The following DCLK1 variants were observed in gnomAD, a reference collection of about 807,000 sequenced individuals.
The protein encoded by DCLK1 is doublecortin like kinase 1.
DCLK1 carries 16 observed loss-of-function variants against 86.2 expected under a neutral mutation model. The ratio of observed to expected loss-of-function variants is 0.19; its 90% CI spans 0.13 to 0.28. DCLK1 has a LOEUF of 0.28. Ranked by LOEUF, DCLK1 falls within the 10% of genes least tolerant of loss-of-function variation. The probability of loss-of-function intolerance (pLI) is 1.00; values close to 1 mark genes in which losing one functional copy is unlikely to be tolerated. For missense variants in DCLK1, 590 were observed against 940.2 expected, an observed-to-expected ratio of 0.63 and a Z score of 4.87; for synonymous variants, 369 against 370.5, an observed-to-expected ratio of 1.00 and a Z score of 0.05.
chr13:36,073,016 C>T (rs7334245), intron 3 of DCLK1, among the ~76,000 whole-genome samples: 65,411 of 152,062 alleles, frequency 0.43, 14,070 homozygotes, highest in East Asian at 0.52. Flanking sequence ...TTATCCAGAA[C>T]AGCCTACGAG....
intron 3 of DCLK1, among the ~76,000 whole-genome samples, chr13:36,088,135 T>C (rs61587229): frequency 0.041 from 6,294 of 152,314 alleles, 142 homozygotes; most frequent in African/African-American, 0.07. Flanking sequence ...CTAGTGGTTA[T>C]GCAAAGGTTA....
At position 36,073,316 on chromosome 13, in the gene DCLK1, T is replaced by TA. The variant is rs536101213; in HGVS notation, c.723+38552dup. 1.3e-3 allele frequency among the ~76,000 whole-genome samples: 199 copies of TA among 152,256 alleles called. No homozygotes were observed. The Middle Eastern group carries it at 0.024, about 18-fold the overall frequency. On this transcript the variant is annotated intron_variant, in intron 3 of 16. Coordinates refer to ENST00000360631, the MANE Select transcript of DCLK1 (RefSeq NM_001330071.2). Reference sequence around the variant, plus strand: ...TGGATTTGCCTTTTTAGAAAACAGATACTATTTTTAAGGGCCTCTTATGGG... The same window carrying TA: ...TGGATTTGCCTTTTTAGAAAACAGATAACTATTTTTAAGGGCCTCTTATGGG...
At position 36,120,285 on chromosome 13, in the gene DCLK1, A is replaced by C. The variant is rs939856643; in HGVS notation, c.376+5477T>G. Among the ~76,000 whole-genome samples the C allele has an allele frequency of 2.0e-5, 3 of 152,212 alleles. No individual in the cohort carries two copies. In the South Asian group the frequency reaches 6.2e-4, roughly 32 times the overall value. On this transcript the variant is annotated intron_variant, in intron 2 of 16. Coordinates refer to ENST00000360631, the MANE Select transcript of DCLK1 (RefSeq NM_001330071.2). ...AAAACACAATAAATGAAGTCACTAA[A>C]GAGAAATCTGGAAAAAATAGAGTCA...
intron 4 of DCLK1, among the ~76,000 whole-genome samples, chr13:35,895,253 G>C (rs575542475): frequency 2.7e-5 from 4 of 150,874 alleles, no homozygotes; most frequent in African/African-American, 9.8e-5. Context: ...CGCCACACCT[G>C]GTCACTGAAT....
chr13:35,776,932 T>C (rs2086434098), intron 16 of DCLK1, among the ~76,000 whole-genome samples: 1 of 152,192 alleles, frequency 6.6e-6, no homozygotes, highest in South Asian at 2.1e-4. Flanking sequence ...TGGTGGCACT[T>C]AATATTGAGC....
intron 4 of DCLK1, among the ~76,000 whole-genome samples, chr13:35,900,385 C>T (rs545439678): frequency 2.0e-5 from 3 of 151,928 alleles, no homozygotes; most frequent in African/African-American, 7.3e-5. Flanking sequence ...GGATTACAGG[C>T]GTGCACCACC....
intron 3 of DCLK1, among the ~76,000 whole-genome samples, chr13:36,040,345 G>C (rs1162840514): frequency 1.5e-5 from 2 of 135,888 alleles, no homozygotes; most frequent in African/African-American, 2.7e-5. Flanking sequence ...ACTACTCAGA[G>C]ATTTGCAGGG....
At chr13:36,102,880 C>G (rs9575283) in intron 3 of DCLK1, among the ~76,000 whole-genome samples, 79,369 of 151,950 alleles carry the variant, frequency 0.52, 21,058 homozygotes, top group East Asian at 0.83. Context: ...ACAAAAGAGG[C>G]TCTACAGACA....
intron 3 of DCLK1, among the ~76,000 whole-genome samples, chr13:36,014,191 T>C (rs899266134): frequency 1.3e-5 from 2 of 152,332 alleles, no homozygotes; most frequent in South Asian, 2.1e-4. Context: ...CGCTGGGAGC[T>C]GTAGACCGGA....
intron 3 of DCLK1, among the ~76,000 whole-genome samples, chr13:35,996,638 C>T (rs1347020738): frequency 6.6e-6 from 1 of 152,112 alleles, no homozygotes; most frequent in Admixed American, 6.5e-5. Context: ...CTTGCCAGCC[C>T]TCCCTGAGTA....
intron 3 of DCLK1, among the ~76,000 whole-genome samples, chr13:36,088,945 T>C (rs1884714989): frequency 6.6e-6 from 1 of 152,244 alleles, no homozygotes; most frequent in Non-Finnish European, 1.5e-5. Context: ...CTCTGGATTC[T>C]AAACTTTTCT....
chr13:36,043,652 A>C (rs1330738983), intron 3 of DCLK1, among the ~76,000 whole-genome samples: 1 of 152,170 alleles, frequency 6.6e-6, no homozygotes, highest in Admixed American at 6.6e-5. Flanking sequence ...GCCAGAAAGA[A>C]ACAAATAAAA....
chr13:36,080,224 G>A (rs1329071071), intron 3 of DCLK1, among the ~76,000 whole-genome samples: 1 of 152,160 alleles, frequency 6.6e-6, no homozygotes, highest in African/African-American at 2.4e-5. Context: ...GCAAGGCCTA[G>A]CTTGTGCGGA....
chr13:36,045,377 T>TATATATATATATA (rs568110221), intron 3 of DCLK1, among the ~76,000 whole-genome samples: 3 of 125,080 alleles, frequency 2.4e-5, no homozygotes, highest in Non-Finnish European at 5.0e-5. Context: ...TATATATATA[T>TATATATATATATA]TTCAAGGTAA....
At chr13:35,948,555 A>G (rs2153133570) in intron 3 of DCLK1, among the ~76,000 whole-genome samples, 1 of 152,304 alleles carries the variant, frequency 6.6e-6, no homozygotes, top group East Asian at 1.9e-4. Context: ...GACACATTAC[A>G]TGTGCTGTAA....
At chr13:35,876,383 G>T (rs1398660098) in intron 4 of DCLK1, among the ~76,000 whole-genome samples, 1 of 152,084 alleles carries the variant, frequency 6.6e-6, no homozygotes, top group Non-Finnish European at 1.5e-5. Context: ...TAGTAACTAC[G>T]TTTTCTAAAA....
At chr13:36,116,866 C>G (rs73529415) in intron 2 of DCLK1, among the ~76,000 whole-genome samples, 5,023 of 152,246 alleles carry the variant, frequency 0.033, 82 homozygotes, top group South Asian at 0.092. Flanking sequence ...ATATTGTTTA[C>G]AGAATAGAAT....
Position 35,810,945 on chromosome 13 carries a change from G to A in DCLK1, c.1578C>T (p.Ser526=). Residue 526 remains serine, a synonymous_variant, in exon 12 of 17, where the codon AGC becomes AGT. Coordinates refer to ENST00000360631, the MANE Select transcript of DCLK1 (RefSeq NM_001330071.2). ...CAAAGTCACCCAGCTTCAGTGATTTGCTGCCATCTTGGTGCTCATACACCT... is the reference window on the plus strand; with the variant it reads ...CAAAGTCACCCAGCTTCAGTGATTTACTGCCATCTTGGTGCTCATACACCT... ...NLLVYEHQDG[S]KSLKLGDFGL... The A allele has an allele frequency of 6.2e-7, 1 of 1,614,004 alleles. No individual in the cohort carries two copies. The highest frequency in any genetic ancestry group is 8.5e-7 in the Non-Finnish European group (1 of 1,179,946).
At chr13:36,121,831 C>A (rs1928020) in intron 2 of DCLK1, among the ~76,000 whole-genome samples, 1 of 151,948 alleles carries the variant, frequency 6.6e-6, no homozygotes, top group Non-Finnish European at 1.5e-5. Flanking sequence ...GTAGGCTGGG[C>A]ACAGTGCCTC....
Sources: gnomAD v4.1 joint callset for allele counts (sites outside exome capture counted in the v4.1 genomes callset) on GRCh38, gnomAD v4.1.1 for gene constraint, MANE v1.5 for transcripts, NCBI Gene and HGNC (gene_info 2026-07-23, HGNC 2026-07-21) for gene names.